The following MED24 variants were observed in gnomAD, a reference collection of about 807,000 sequenced individuals.
MED24 encodes mediator of RNA polymerase II transcription subunit 24.
A neutral mutation model predicts 118.8 loss-of-function variants in MED24; 74 were observed. The ratio of observed to expected loss-of-function variants is 0.62; its 90% CI spans 0.52 to 0.76. MED24 has a LOEUF of 0.76. MED24 is among the 30% of genes least tolerant of loss of function. The pLI, the probability that MED24 is intolerant of heterozygous loss-of-function variation, is 0.00. For synonymous variants in MED24, 521 were observed against 523.9 expected, an observed-to-expected ratio of 0.99 and a Z score of 0.08; for missense variants, 1,041 against 1,278.9, an observed-to-expected ratio of 0.81 and a Z score of 2.84.
chr17:40,049,308 G>A (rs1346739092), intron 3 of MED24, among the ~76,000 whole-genome samples: 1 of 152,078 alleles, frequency 6.6e-6, no homozygotes, highest in Non-Finnish European at 1.5e-5. Context: ...GCCTCCCACC[G>A]TGTACATATG....
intron 8 of MED24, 65 bp downstream of exon 8, chr17:40,032,991 C>T: frequency 3.8e-6 from 6 of 1,592,098 alleles, no homozygotes; most frequent in Non-Finnish European, 5.1e-6. Context: ...CCAGAAGAAT[C>T]CTCCCTCCTG....
intron 12 of MED24, among the ~76,000 whole-genome samples, chr17:40,030,359 G>A (rs561708873): frequency 1.2e-3 from 176 of 151,876 alleles, no homozygotes; most frequent in African/African-American, 4.0e-3. Flanking sequence ...GCAGTGGCGC[G>A]ATCTCAGCTC....
chr17:40,034,868 C>A, intron 6 of MED24: 1 of 340,846 alleles, frequency 2.9e-6, no homozygotes, highest in Non-Finnish European at 5.8e-6. Flanking sequence ...ACCCCCCACC[C>A]CCAGCACCTA....
At position 40,035,230 on chromosome 17, in the gene MED24, C is replaced by G. The variant is rs1338818612; in HGVS notation, c.446G>C (p.Gly149Ala). Residue 149 changes from glycine (G) to alanine (A), a missense_variant, in exon 6 of 26, where the codon GGC becomes GCC. This residue lies in a region of MED24 where 434 missense variants were observed against 514.9 expected (regional missense o/e 0.84). Coordinates refer to ENST00000394128, the MANE Select transcript of MED24 (RefSeq NM_014815.4). ...AERLREGLEA[G>A]TPAAGEKQLA... ...CTGCTTCTCCCCAGCGGCTGGAGTG[C>G]CGGCCTCCAGCCCCTCCCGCAGCCG... 1 of 1,613,754 alleles carries G rather than the reference C, an allele frequency of 6.2e-7. No individual in the cohort carries two copies. The highest frequency in any genetic ancestry group is 1.3e-5 in the African/African-American group (1 of 74,916).
Position 40,033,323 on chromosome 17 carries a change from C to A in MED24, c.671+22G>T. 6.2e-7 allele frequency: 1 copy of A among 1,612,512 alleles called. No homozygotes were observed. The highest frequency in any genetic ancestry group is 8.5e-7 in the Non-Finnish European group (1 of 1,179,318). On this transcript the variant is annotated intron_variant, in intron 7 of 25. Transcript: ENST00000394128. The surrounding 1 kb of genome is among the most constrained non-coding windows in gnomAD (Gnocchi z 5.2). Reference sequence around the variant, plus strand: ...GCGTGTCCTCCCTCTCCCTTCTCCACCATCCCCCAGGGAGCCGGTACCTCC... The same window carrying A: ...GCGTGTCCTCCCTCTCCCTTCTCCAACATCCCCCAGGGAGCCGGTACCTCC...
chr17:40,040,349 T>C (rs1050907156), intron 3 of MED24, among the ~76,000 whole-genome samples: 3 of 152,054 alleles, frequency 2.0e-5, no homozygotes, highest in Non-Finnish European at 4.4e-5. Context: ...AGTGCTGGGA[T>C]TACAAGCGTG....
intron 19 of MED24, chr17:40,023,652 C>A: frequency 2.3e-6 from 1 of 436,636 alleles, no homozygotes; most frequent in Non-Finnish European, 4.0e-6. Flanking sequence ...CCTGGCCATT[C>A]CAGCCAGATA....
intron 19 of MED24, among the ~76,000 whole-genome samples, chr17:40,023,946 T>C (rs1982348846): frequency 6.6e-6 from 1 of 152,192 alleles, no homozygotes; most frequent in Non-Finnish European, 1.5e-5. Flanking sequence ...GGCCGAGTGC[T>C]GACTGTTCCT....
At position 40,019,490 on chromosome 17, in the gene MED24, C is replaced by T. The variant is rs114099644; in HGVS notation, c.*39G>A. ...CTTCCCTTGGAGGCGCCTGGGGCTGCGCCAGTCCCCAGCCCCCACTGCGGC... is the reference window on the plus strand; with the variant it reads ...CTTCCCTTGGAGGCGCCTGGGGCTGTGCCAGTCCCCAGCCCCCACTGCGGC... On this transcript the variant is annotated 3_prime_UTR_variant, in exon 26 of 26. Coordinates refer to ENST00000394128, the MANE Select transcript of MED24 (RefSeq NM_014815.4). The T allele has an allele frequency of 2.7e-3, 4,106 of 1,545,274 alleles. 83 individuals are homozygous for T. The African/African-American group carries it at 0.05, about 19-fold the overall frequency.
At chr17:40,048,846 T>G (rs1254796897) in intron 3 of MED24, among the ~76,000 whole-genome samples, 1 of 152,052 alleles carries the variant, frequency 6.6e-6, no homozygotes, top group Non-Finnish European at 1.5e-5. Flanking sequence ...GGAGCCACCA[T>G]GCCTGGCCAA....
At chr17:40,029,902 A>G (rs757534306) in intron 12 of MED24, 43 bp from the exon 13 acceptor site, 1 of 1,580,266 alleles carries the variant, frequency 6.3e-7, no homozygotes, top group Non-Finnish European at 8.7e-7. Flanking sequence ...AGAGGAATGA[A>G]GAGAAATTCT....
At chr17:40,053,198 A>C in intron 3 of MED24, 100 bp downstream of exon 3, 1 of 1,149,740 alleles carries the variant, frequency 8.7e-7, no homozygotes, top group Non-Finnish European at 1.2e-6. Context: ...GCCTCCCACA[A>C]TGCTGGGATT....
At position 40,022,001 on chromosome 17, in the gene MED24, T is replaced by C. The variant is rs764313111; in HGVS notation, c.2577A>G (p.Arg859=). ...CATCGTCCTCATTAGAGCTCAGCAGTCGCATCAACTTCGAAGGCTGCACAT... is the reference window on the plus strand; with the variant it reads ...CATCGTCCTCATTAGAGCTCAGCAGCCGCATCAACTTCGAAGGCTGCACAT... ...LDDVQPSKLM[R]LLSSNEDDAN... Residue 859 remains arginine, a synonymous_variant, in exon 23 of 26, where the codon CGA becomes CGG. Transcript: ENST00000394128. 35 of 1,611,688 alleles carry C rather than the reference T, an allele frequency of 2.2e-5. No homozygotes were observed. The Middle Eastern group carries it at 1.2e-3, about 53-fold the overall frequency.
Position 40,022,481 on chromosome 17 carries a change from C to T in MED24, c.2436G>A (p.Leu812=), listed in dbSNP as rs1432027567. ...MDPPGTALAK[L]AVWCALSSYS... ...AGGAACTGAGGGCACACCACACGGC[C>T]AGCCTGGCAAAGGGTTCCAGAAAAA... The change falls in exon 22 of 26, where the codon CTG becomes CTA. Residue 812 remains leucine (L), a synonymous_variant. Coordinates refer to ENST00000394128, the MANE Select transcript of MED24 (RefSeq NM_014815.4). 6.2e-7 allele frequency: 1 copy of T among 1,607,882 alleles called. No homozygotes were observed. Among genetic ancestry groups the T allele is most frequent in the South Asian group, 1.1e-5 (1 of 90,026 alleles).
In MED24 at chr17:40,043,258, C is replaced by A. The variant is rs138935164; in HGVS notation, c.214-7104G>T. Among the ~76,000 whole-genome samples the A allele has an allele frequency of 5.3e-5, 8 of 152,224 alleles. No homozygotes were observed. The East Asian group carries it at 1.5e-3, about 29-fold the overall frequency. On this transcript the variant is annotated intron_variant, in intron 3 of 25. Transcript: ENST00000394128. ...GCCTGTTGTTAATAATGAGATTTTCCCTTCAGATTTCCCCTTCCCAGATCC... is the reference window on the plus strand; with the variant it reads ...GCCTGTTGTTAATAATGAGATTTTCACTTCAGATTTCCCCTTCCCAGATCC...
chr17:40,031,986 A>G (rs1280806374), intron 10 of MED24, 57 bp downstream of exon 10: 4 of 1,556,244 alleles, frequency 2.6e-6, no homozygotes, highest in Non-Finnish European at 3.5e-6. Context: ...GGCCTGAAGG[A>G]CCCTCCCCTT....
At chr17:40,051,521 C>T (rs960715175) in intron 3 of MED24, among the ~76,000 whole-genome samples, 4 of 147,300 alleles carry the variant, frequency 2.7e-5, no homozygotes, top group East Asian at 2.1e-4. Flanking sequence ...GGCTGAGGCA[C>T]GAGAATCACT....
At chr17:40,024,276 A>T (rs577916453) in intron 19 of MED24, among the ~76,000 whole-genome samples, 43 of 152,268 alleles carry the variant, frequency 2.8e-4, no homozygotes, top group Admixed American at 5.9e-4. Flanking sequence ...GCTCATGCCT[A>T]TAATCCCAGC....
intron 23 of MED24, among the ~76,000 whole-genome samples, chr17:40,020,806 C>A (rs1461982336): frequency 6.6e-6 from 1 of 151,822 alleles, no homozygotes; most frequent in Non-Finnish European, 1.5e-5. Flanking sequence ...GGCGTGGTGG[C>A]TCACGCCTGT....
Sources: gnomAD v4.1 joint callset for allele counts (sites outside exome capture counted in the v4.1 genomes callset) on GRCh38, gnomAD v4.1.1 for gene constraint, gnomAD v4.1.1 regional missense constraint, Gnocchi (gnomAD v3.1) non-coding constraint, MANE v1.5 for transcripts, NCBI Gene and HGNC (gene_info 2026-07-23, HGNC 2026-07-21) for gene names.